PTGR2: variants seen among roughly 807,000 people sequenced by gnomAD.
The protein encoded by PTGR2 is prostaglandin reductase 2.
Under a neutral mutation model 43.4 loss-of-function variants are expected in PTGR2, and 32 were observed. The observed-to-expected ratio is 0.74, with a 90% CI of 0.56 to 0.99. PTGR2 has a LOEUF of 0.99. Ranked by LOEUF, PTGR2 falls within the 50% of genes least tolerant of loss-of-function variation. The probability of loss-of-function intolerance (pLI) is 0.00; values close to 1 mark genes in which losing one functional copy is unlikely to be tolerated. For synonymous variants in PTGR2, 106 were observed against 139.2 expected, an observed-to-expected ratio of 0.76 and a Z score of 1.68; for missense variants, 373 against 420.0, an observed-to-expected ratio of 0.89 and a Z score of 0.98.
intron 3 of PTGR2, among the ~76,000 whole-genome samples, chr14:73,869,567 G>A (rs1050471249): frequency 1.4e-5 from 2 of 142,696 alleles, no homozygotes; most frequent in African/African-American, 2.6e-5. Flanking sequence ...GAGTGAGACC[G>A]TGCCTCAAAA....
intron 1 of PTGR2, 133 bp downstream of exon 1, chr14:73,852,076 T>C (rs952321693): frequency 1.3e-5 from 2 of 152,146 alleles, no homozygotes; most frequent in African/African-American, 4.8e-5. Flanking sequence ...ACTGGCGTTA[T>C]TGCCCGCAAC....
intron 3 of PTGR2, among the ~76,000 whole-genome samples, chr14:73,868,052 C>T (rs1045961589): frequency 4.6e-5 from 7 of 152,066 alleles, no homozygotes; most frequent in African/African-American, 7.2e-5. Flanking sequence ...TTTGGGAGGC[C>T]GAGGTGGGTG....
At chr14:73,877,219 A>C (rs774500994) in intron 5 of PTGR2, 51 bp downstream of exon 5, 1 of 1,487,032 alleles carries the variant, frequency 6.7e-7, no homozygotes, top group South Asian at 1.2e-5. Context: ...CGATTGTTAT[A>C]ATTCTTAATT....
intron 7 of PTGR2, among the ~76,000 whole-genome samples, chr14:73,880,579 CA>C (rs1258505606): frequency 1.1e-5 from 1 of 89,412 alleles, no homozygotes; most frequent in African/African-American, 4.4e-5. Context: ...AACTCCATCT[CA>C]AAAAAACAAA....
chr14:73,856,962 A>T (rs1242931220), intron 1 of PTGR2, among the ~76,000 whole-genome samples: 1 of 152,226 alleles, frequency 6.6e-6, no homozygotes, highest in African/African-American at 2.4e-5. Flanking sequence ...TTTCTTCATT[A>T]GCTCAAATTC....
At chr14:73,874,939 A>G (rs1342426031) in intron 4 of PTGR2, among the ~76,000 whole-genome samples, 1 of 151,858 alleles carries the variant, frequency 6.6e-6, no homozygotes, top group Non-Finnish European at 1.5e-5. Context: ...GCTCACTGCA[A>G]CCTCTGCCTC....
chr14:73,867,741 T>C (rs1414155589), intron 3 of PTGR2, among the ~76,000 whole-genome samples: 2 of 152,188 alleles, frequency 1.3e-5, no homozygotes, highest in Non-Finnish European at 2.9e-5. Flanking sequence ...TAAATACCTC[T>C]CAATTCAGTC....
intron 3 of PTGR2, among the ~76,000 whole-genome samples, chr14:73,862,677 C>T (rs1307043623): frequency 2.0e-5 from 3 of 152,132 alleles, no homozygotes; most frequent in Non-Finnish European, 2.9e-5. Context: ...GTCACTACTG[C>T]GGCAAGCTGA....
chr14:73,871,791 G>A (rs2054740043), intron 3 of PTGR2, among the ~76,000 whole-genome samples: 1 of 152,132 alleles, frequency 6.6e-6, no homozygotes, highest in Non-Finnish European at 1.5e-5. Flanking sequence ...TGAGTGGTGA[G>A]TGAAAGGAGG....
At chr14:73,856,256 G>GT (rs535952116) in intron 1 of PTGR2, among the ~76,000 whole-genome samples, 414 of 151,132 alleles carry the variant, frequency 2.7e-3, no homozygotes, top group Non-Finnish European at 4.8e-3. Flanking sequence ...TTTTGTTGTT[G>GT]TTTTTTTTGA....
intron 1 of PTGR2, among the ~76,000 whole-genome samples, chr14:73,857,814 T>G (rs12880032): frequency 0.64 from 97,098 of 150,588 alleles, 31,612 homozygotes; most frequent in South Asian, 0.72. Flanking sequence ...GACTACAGGC[T>G]CCCGCTACCA....
At chr14:73,870,049 C>G (rs1216351019) in intron 3 of PTGR2, among the ~76,000 whole-genome samples, 1 of 151,548 alleles carries the variant, frequency 6.6e-6, no homozygotes, top group East Asian at 1.9e-4. Flanking sequence ...AAAAAAGAAT[C>G]AGCTGGGCAT....
intron 3 of PTGR2, among the ~76,000 whole-genome samples, chr14:73,868,778 C>A (rs529153174): frequency 8.3e-6 from 1 of 120,438 alleles, no homozygotes; most frequent in South Asian, 3.2e-4. Flanking sequence ...ACCAAAGATA[C>A]TTCTTCCTTA....
intron 1 of PTGR2, among the ~76,000 whole-genome samples, chr14:73,857,664 G>GGTT (rs2054383003): frequency 1.5e-5 from 1 of 64,696 alleles, no homozygotes; most frequent in African/African-American, 6.2e-5. Flanking sequence ...AGCAGTTAGT[G>GGTT]TTTTTTTTTT....
intron 1 of PTGR2, among the ~76,000 whole-genome samples, chr14:73,857,034 G>A (rs551237354): frequency 6.6e-6 from 1 of 151,750 alleles, no homozygotes; most frequent in Admixed American, 6.6e-5. Flanking sequence ...CACTTTGGGA[G>A]GTCGAGATGG....
At chr14:73,857,666 T>TTTTTTTTTTG (rs1566633976) in intron 1 of PTGR2, among the ~76,000 whole-genome samples, 65 of 80,672 alleles carry the variant, frequency 8.1e-4, no homozygotes, top group African/African-American at 2.3e-3. Context: ...CAGTTAGTGT[T>TTTTTTTTTTG]TTTTTTTTTT....
chr14:73,857,598 A>C (rs2054378776), intron 1 of PTGR2, among the ~76,000 whole-genome samples: 1 of 143,732 alleles, frequency 7.0e-6, no homozygotes, highest in African/African-American at 2.6e-5. Context: ...TGGGTGACAG[A>C]GTAAGATTCT....
At chr14:73,878,986 C>A in intron 5 of PTGR2, 110 bp from the exon 6 acceptor site, 1 of 863,714 alleles carries the variant, frequency 1.2e-6, no homozygotes. Flanking sequence ...GTAATCTAAC[C>A]TTAATTGTAA....
intron 1 of PTGR2, among the ~76,000 whole-genome samples, chr14:73,857,665 T>C (rs992539090): frequency 2.4e-5 from 1 of 42,324 alleles, no homozygotes; most frequent in Non-Finnish European, 5.1e-5. Flanking sequence ...GCAGTTAGTG[T>C]TTTTTTTTTT....
Sources: allele counts gnomAD v4.1 joint callset (sites outside exome capture counted in the v4.1 genomes callset), GRCh38; gene constraint gnomAD v4.1.1; transcripts MANE v1.5; gene names NCBI Gene and HGNC (gene_info 2026-07-23, HGNC 2026-07-21).